Variants in COG1 observed in about 807,000 individuals in gnomAD.
COG1 encodes conserved oligomeric Golgi complex subunit 1.
COG1 carries 61 observed loss-of-function variants against 102.2 expected under a neutral mutation model. The ratio of observed to expected loss-of-function variants is 0.60; its 90% CI spans 0.49 to 0.74. The LOEUF (loss-of-function observed/expected upper bound fraction) is 0.74. Among genes scored for constraint, COG1 ranks in the 30% least tolerant of loss-of-function variants. The pLI is 0.00. For synonymous variants in COG1, 454 were observed against 493.6 expected, an observed-to-expected ratio of 0.92 and a Z score of 1.06; for missense variants, 1,164 against 1,232.1, an observed-to-expected ratio of 0.94 and a Z score of 0.83.
At chr17:73,205,973 G>GGGTA in intron 10 of COG1, 181 bp from the exon 11 acceptor site, 1 of 687,494 alleles carries the variant, frequency 1.5e-6, no homozygotes. Flanking sequence ...GGGAAAGGGT[G>GGGTA]GACTTCACTT....
Position 73,193,175 on chromosome 17 carries a change from C to T in COG1, c.106C>T (p.Gln36Ter). Residue 36 changes from glutamine to a stop codon, truncating the protein, a stop_gained, in exon 1 of 14, where the codon CAG becomes TAG. Coordinates refer to ENST00000299886, the MANE Select transcript of COG1 (RefSeq NM_018714.3). LOFTEE classifies it high-confidence loss of function. The part of the protein sequence containing the change: ...GAEEIRGLER[Q>*]VRAEIEHKKE... ...GGAGGAGATCCGCGGGCTGGAGCGC[C>T]AGGTTCGGGCCGAGATCGAGCACAA... 2 of 1,607,734 alleles carry T rather than the reference C, an allele frequency of 1.2e-6. No homozygotes were observed. The highest frequency in any genetic ancestry group is 1.7e-6 in the Non-Finnish European group (2 of 1,177,762).
At chr17:73,206,475 GGATT>G (rs2061372973) in intron 11 of COG1, among the ~76,000 whole-genome samples, 1 of 151,956 alleles carries the variant, frequency 6.6e-6, no homozygotes, top group African/African-American at 2.4e-5. Context: ...TTGTAAATAA[GGATT>G]ATTACAGTTT....
At position 73,201,279 on chromosome 17, in the gene COG1, T is replaced by C. The variant is rs754090807; in HGVS notation, c.1452T>C (p.Pro484=). The part of the protein sequence containing the change: ...FLWSESPNDL[P]SDAAWVSVAN... ...GGTCTGAGAGTCCTAATGACCTGCC[T>C]TCCGATGCGGCCTGGGTCAGCGTGG... The change falls in exon 7 of 14, where the codon CCT becomes CCC. Residue 484 remains proline (P), a synonymous_variant. Transcript: ENST00000299886. 2 of 1,614,244 alleles carry C rather than the reference T, an allele frequency of 1.2e-6. No homozygotes were observed. Among genetic ancestry groups the C allele is most frequent in the Admixed American group, 1.7e-5 (1 of 60,030 alleles).
Position 73,199,255 on chromosome 17 carries a change from G to T in COG1, c.914-610G>T, listed in dbSNP as rs529955607. Among the ~76,000 whole-genome samples, 57 of 152,318 alleles carry T rather than the reference G, an allele frequency of 3.7e-4. 1 individual carries two copies. The Middle Eastern group carries it at 0.017, about 45-fold the overall frequency. Reference sequence around the variant, plus strand: ...ATCGATTCTTTCCTTCCATCTTCGGGGGAGGTAGGAGGATTGAGAGGAAAG... The same window carrying T: ...ATCGATTCTTTCCTTCCATCTTCGGTGGAGGTAGGAGGATTGAGAGGAAAG... On this transcript the variant is annotated intron_variant, in intron 4 of 13. Transcript: ENST00000299886.
At chr17:73,199,018 C>A (rs1331459116) in intron 4 of COG1, among the ~76,000 whole-genome samples, 1 of 152,202 alleles carries the variant, frequency 6.6e-6, no homozygotes, top group Non-Finnish European at 1.5e-5. Context: ...TCATCCCACT[C>A]AGGAAGGGTG....
chr17:73,196,394 G>A, intron 1 of COG1, 113 bp from the exon 2 acceptor site: 2 of 1,516,590 alleles, frequency 1.3e-6, no homozygotes, highest in Non-Finnish European at 9.1e-7. Context: ...ACTGAACCCA[G>A]CTTAATAGAA....
chr17:73,199,823 A>T, intron 4 of COG1, 42 bp from the exon 5 acceptor site: 1 of 1,613,512 alleles, frequency 6.2e-7, no homozygotes, highest in Non-Finnish European at 8.5e-7. Flanking sequence ...TATGCACTTC[A>T]AAGGGTGGCC....
rs778173798 is a variant in COG1, at chr17:73,206,176, C to T, written c.2533C>T (p.Leu845=). 1.2e-6 allele frequency: 2 copies of T among 1,614,114 alleles called. No individual in the cohort carries two copies. The highest frequency in any genetic ancestry group is 2.2e-5 in the South Asian group (2 of 91,086). Residue 845 remains leucine, a synonymous_variant, in exon 11 of 14, where the codon CTG becomes TTG. Transcript: ENST00000299886. The part of the protein sequence containing the change: ...DSRIEKVTDH[L]EALIDPFDLD... ...CAGAATTGAGAAAGTGACTGACCACCTGGAAGCCCTCATTGATCCATTTGA... is the reference window on the plus strand; with the variant it reads ...CAGAATTGAGAAAGTGACTGACCACTTGGAAGCCCTCATTGATCCATTTGA...
chr17:73,199,594 A>G (rs948859273), intron 4 of COG1, among the ~76,000 whole-genome samples: 1 of 151,986 alleles, frequency 6.6e-6, no homozygotes, highest in Non-Finnish European at 1.5e-5. Context: ...ATTTTTTTGG[A>G]GACAGGGTCT....
rs751136946 is a variant in COG1, at chr17:73,208,329, C to T, written c.2821C>T (p.Arg941Cys). The T allele has an allele frequency of 3.2e-5, 52 of 1,613,836 alleles. No individual in the cohort carries two copies. The South Asian group carries it at 5.4e-4, about 17-fold the overall frequency. ...ETKAQVVPPA[R>C]STAGDPTVPG... ...CCAATGGCAGGTTGTCCCCCCGGCA[C>T]GCTCCACAGCTGGTGACCCGACAGT... The change falls in exon 14 of 14, where the codon CGC becomes TGC. Residue 941 changes from arginine (R) to cysteine (C), a missense_variant. Coordinates refer to ENST00000299886, the MANE Select transcript of COG1 (RefSeq NM_018714.3).
At position 73,201,545 on chromosome 17, in the gene COG1, A is replaced by C; in HGVS notation, c.1718A>C (p.Gln573Pro). ...AGTVQEMLRT[Q>P]SVACIKHIVD... ...ACCGTGCAGGAGATGCTGCGGACTC[A>C]GTCCGTGGCATGCATCAAGCACATC... is the stretch of plus-strand genomic sequence containing the variant. The change falls in exon 7 of 14, where the codon CAG becomes CCG. Residue 573 changes from glutamine to proline, a missense_variant. Physicochemically the swap from Gln to Pro is moderately conservative, Grantham distance 76. Transcript: ENST00000299886. 1 of 1,614,250 alleles carries C rather than the reference A, an allele frequency of 6.2e-7. No homozygotes were observed. The highest frequency in any genetic ancestry group is 8.5e-7 in the Non-Finnish European group (1 of 1,180,040).
chr17:73,199,121 G>A (rs1338168934), intron 4 of COG1, among the ~76,000 whole-genome samples: 2 of 152,190 alleles, frequency 1.3e-5, no homozygotes, highest in Non-Finnish European at 2.9e-5. Flanking sequence ...CTTATGCTCA[G>A]AACACAGTGA....
chr17:73,201,861 C>A lies in COG1; in HGVS notation c.2034C>A (p.Ser678Arg), dbSNP rs764801591. The A allele has an allele frequency of 6.2e-7, 1 of 1,614,212 alleles. No individual in the cohort carries two copies. Among genetic ancestry groups the A allele is most frequent in the South Asian group, 1.1e-5 (1 of 91,086 alleles). ...QEVKEVLLQQ[S>R]VMGYQVWSSA... ...TTAAAGAAGTACTCCTCCAGCAGAG[C>A]GTGATGGGCTACCAGGTCTGGAGCA... The change falls in exon 7 of 14, where the codon AGC becomes AGA. Residue 678 changes from serine to arginine, a missense_variant. Coordinates refer to ENST00000299886, the MANE Select transcript of COG1 (RefSeq NM_018714.3).
At chr17:73,195,747 T>C (rs2061322818) in intron 1 of COG1, among the ~76,000 whole-genome samples, 1 of 152,172 alleles carries the variant, frequency 6.6e-6, no homozygotes, top group African/African-American at 2.4e-5. Context: ...ACCCTGTCTC[T>C]ACTGAAAATA....
At chr17:73,201,942 G>A (rs368081223) in intron 7 of COG1, 42 bp downstream of exon 7, 129 of 1,580,208 alleles carry the variant, frequency 8.2e-5, no homozygotes, top group Non-Finnish European at 1.0e-4. Flanking sequence ...TCTCACTTCT[G>A]TCATATTCCA....
chr17:73,197,231 G>A lies in COG1; in HGVS notation c.748G>A (p.Gly250Ser). 1 of 1,614,202 alleles carries A rather than the reference G, an allele frequency of 6.2e-7. No individual in the cohort carries two copies. Among genetic ancestry groups the A allele is most frequent in the South Asian group, 1.1e-5 (1 of 91,088 alleles). Residue 250 changes from glycine to serine, a missense_variant, in exon 4 of 14, where the codon GGT becomes AGT. Gly to Ser is a moderately conservative substitution (Grantham distance 56, BLOSUM62 0). Coordinates refer to ENST00000299886, the MANE Select transcript of COG1 (RefSeq NM_018714.3). ...AGGATGGTTTCTTCTTTTAGGTGCTGGTATCAAGGCTCAGATTTGCTCATT... is the reference window on the plus strand; with the variant it reads ...AGGATGGTTTCTTCTTTTAGGTGCTAGTATCAAGGCTCAGATTTGCTCATT... ...KLLNQPHHGA[G>S]IKAQICSLVE...
chr17:73,196,817 G>A lies in COG1; in HGVS notation c.560+66G>A, dbSNP rs1179658745. The A allele has an allele frequency of 6.8e-6, 11 of 1,613,494 alleles. No individual in the cohort carries two copies. The African/African-American group carries it at 8.0e-5, about 12-fold the overall frequency. On this transcript the variant is annotated intron_variant, in intron 2 of 13. Transcript: ENST00000299886. ...AGGCTTCACATTACGGGTTTATGGC[G>A]TTTGTCTTCTTTCCTGATGTACCAA...
In COG1 at chr17:73,196,816, C is replaced by T. The variant is rs1010442; in HGVS notation, c.560+65C>T. ...CAGGCTTCACATTACGGGTTTATGG[C>T]GTTTGTCTTCTTTCCTGATGTACCA... is the stretch of plus-strand genomic sequence containing the variant. On this transcript the variant is annotated intron_variant, in intron 2 of 13. Transcript: ENST00000299886. The T allele has an allele frequency of 0.53, 854,218 of 1,612,934 alleles. 227,351 individuals carry two copies. The highest frequency in any genetic ancestry group is 0.62 in the East Asian group (27,736 of 44,846).
rs1253882508 is a variant in COG1 at position 73,199,973 on chromosome 17, CCAT to C, written c.1025_1027del (p.Ile342del). 1 of 1,614,080 alleles carries C rather than the reference CCAT, an allele frequency of 6.2e-7. No homozygotes were observed. The highest frequency in any genetic ancestry group is 1.1e-5 in the South Asian group (1 of 91,030). On this transcript the variant is annotated inframe_deletion, in exon 5 of 14. Transcript: ENST00000299886. The stretch of plus-strand genomic sequence containing the variant: ...CCAACACTCCGAACCCTTGCACATC[CCAT>C]CAGTCAGGAATACCTGAAAGACACG...
Sources: allele counts gnomAD v4.1 joint callset (sites outside exome capture counted in the v4.1 genomes callset), GRCh38; gene constraint gnomAD v4.1.1; transcripts MANE v1.5; gene names NCBI Gene and HGNC (gene_info 2026-07-23, HGNC 2026-07-21).